SNTG2: variants seen among roughly 807,000 people sequenced by gnomAD.
SNTG2 encodes the protein syntrophin gamma 2.
In SNTG2, 74 loss-of-function variants were observed where a neutral mutation model predicts 70.9. The observed-to-expected ratio is 1.04, with a 90% confidence interval of 0.86 to 1.27. SNTG2 has a LOEUF of 1.27. SNTG2 is among the 50% of genes most tolerant of loss of function. The pLI, the probability that SNTG2 is intolerant of heterozygous loss-of-function variation, is 0.00. For synonymous variants in SNTG2, 278 were observed against 273.8 expected (o/e 1.02, Z -0.15); for missense variants, 717 against 690.7 (o/e 1.04, Z -0.43).
intron 2 of SNTG2, among the ~76,000 whole-genome samples, chr2:1,091,744 A>C (rs1007798511): frequency 6.6e-6 from 1 of 152,188 alleles, no homozygotes; most frequent in African/African-American, 2.4e-5. Flanking sequence ...AAAATTTAGG[A>C]GTTATCATAC....
intron 8 of SNTG2, among the ~76,000 whole-genome samples, chr2:1,178,562 A>G (rs1671638386): frequency 6.6e-6 from 1 of 152,076 alleles, no homozygotes; most frequent in Non-Finnish European, 1.5e-5. Flanking sequence ...TGAGATAATC[A>G]TGTGGTTTTT....
chr2:1,200,468 T>G (rs1673208867), intron 8 of SNTG2, among the ~76,000 whole-genome samples: 1 of 151,982 alleles, frequency 6.6e-6, no homozygotes, highest in African/African-American at 2.4e-5. Context: ...GAAAAGATTT[T>G]ATGACTGAGA....
At chr2:1,271,658 C>T (rs184694379) in intron 14 of SNTG2, among the ~76,000 whole-genome samples, 4 of 152,186 alleles carry the variant, frequency 2.6e-5, no homozygotes, top group African/African-American at 2.4e-5. Flanking sequence ...CGGTGTGGCT[C>T]CCCTCCCAGT....
chr2:1,005,673 A>G (rs1250645682), intron 1 of SNTG2, among the ~76,000 whole-genome samples: 6 of 150,734 alleles, frequency 4.0e-5, no homozygotes, highest in Non-Finnish European at 7.4e-5. Flanking sequence ...GCGTGGTGAC[A>G]TGTGCCTATA....
At chr2:1,012,716 G>A (rs1256222146) in intron 1 of SNTG2, among the ~76,000 whole-genome samples, 1 of 110,160 alleles carries the variant, frequency 9.1e-6, no homozygotes, top group African/African-American at 3.0e-5. Flanking sequence ...AGAGAAGGGT[G>A]GTCTGTAGAG....
chr2:1,118,270 T>C (rs543734968), intron 4 of SNTG2, among the ~76,000 whole-genome samples: 1 of 151,984 alleles, frequency 6.6e-6, no homozygotes, highest in African/African-American at 2.4e-5. Context: ...CTGAGAAAGA[T>C]CCCCTCAGCT....
chr2:1,164,133 G>A (rs1452090552), intron 6 of SNTG2, among the ~76,000 whole-genome samples: 1 of 152,210 alleles, frequency 6.6e-6, no homozygotes, highest in Admixed American at 6.5e-5. Context: ...AGAGGAGAGA[G>A]CAAGGTGGGC....
At chr2:1,208,860 C>T (rs1186974465) in intron 8 of SNTG2, among the ~76,000 whole-genome samples, 1 of 152,222 alleles carries the variant, frequency 6.6e-6, no homozygotes. Context: ...TCTCCTTCTC[C>T]TTCCCTTCAG....
intron 9 of SNTG2, among the ~76,000 whole-genome samples, chr2:1,222,109 C>CTCTCTGTCTCTG (rs1558553591): frequency 2.2e-5 from 1 of 44,530 alleles, no homozygotes; most frequent in Non-Finnish European, 4.6e-5. Context: ...CTCTCTGTCT[C>CTCTCTGTCTCTG]TCTCTGTCTC....
intron 1 of SNTG2, among the ~76,000 whole-genome samples, chr2:993,067 GTTCT>G (rs1160763026): frequency 1.4e-5 from 1 of 73,674 alleles, no homozygotes; most frequent in Non-Finnish European, 2.6e-5. Flanking sequence ...TCTTTTGTGG[GTTCT>G]TTTTTTTTTT....
intron 12 of SNTG2, among the ~76,000 whole-genome samples, chr2:1,257,423 A>C (rs1046734879): frequency 1.3e-5 from 2 of 152,122 alleles, no homozygotes; most frequent in Admixed American, 1.3e-4. Context: ...TGGCAGGAGG[A>C]ATAAACGAGT....
chr2:1,277,064 T>C (rs1306037735), intron 14 of SNTG2, among the ~76,000 whole-genome samples: 1 of 152,160 alleles, frequency 6.6e-6, no homozygotes, highest in African/African-American at 2.4e-5. Context: ...AAGAAAGTGG[T>C]TTCTTGAGAT....
chr2:1,219,548 A>G (rs528470715), intron 9 of SNTG2, among the ~76,000 whole-genome samples: 2 of 152,022 alleles, frequency 1.3e-5, no homozygotes, highest in Admixed American at 6.6e-5. Flanking sequence ...TTTTTATGCA[A>G]CTCTTTACAG....
At chr2:997,495 A>G (rs1006764742) in intron 1 of SNTG2, among the ~76,000 whole-genome samples, 1 of 152,246 alleles carries the variant, frequency 6.6e-6, no homozygotes, top group Non-Finnish European at 1.5e-5. Context: ...ACAGGAAAGT[A>G]GCATGATCTG....
chr2:1,304,714 G>A (rs1235989886), intron 14 of SNTG2, among the ~76,000 whole-genome samples: 2 of 138,756 alleles, frequency 1.4e-5, no homozygotes, highest in African/African-American at 5.5e-5. Flanking sequence ...CAATAAGAGC[G>A]AAACTCTCTC....
At chr2:1,267,674 C>T in intron 14 of SNTG2, 103 bp downstream of exon 14, 1 of 1,071,136 alleles carries the variant, frequency 9.3e-7, no homozygotes, top group Non-Finnish European at 1.4e-6. Flanking sequence ...GAGGAATCTT[C>T]AGAAGGTGAG....
At chr2:1,291,341 AG>A (rs1290253156) in intron 14 of SNTG2, among the ~76,000 whole-genome samples, 3 of 152,112 alleles carry the variant, frequency 2.0e-5, no homozygotes, top group African/African-American at 7.2e-5. Flanking sequence ...GATACACAAA[AG>A]TTTTAATTTT....
intron 14 of SNTG2, among the ~76,000 whole-genome samples, chr2:1,272,570 G>A (rs1572901250): frequency 1.5e-5 from 2 of 132,296 alleles, no homozygotes; most frequent in Non-Finnish European, 3.2e-5. Context: ...GGGAACAGGT[G>A]TAGAAAGGAT....
intron 8 of SNTG2, among the ~76,000 whole-genome samples, chr2:1,190,546 A>T (rs1672529818): frequency 6.9e-6 from 1 of 144,170 alleles, no homozygotes; most frequent in Non-Finnish European, 1.5e-5. Flanking sequence ...TATATGACAT[A>T]TATAAACATA....
Sources: gnomAD v4.1 joint callset for allele counts (sites outside exome capture counted in the v4.1 genomes callset) on GRCh38, gnomAD v4.1.1 for gene constraint, MANE v1.5 for transcripts, NCBI Gene and HGNC (gene_info 2026-07-23, HGNC 2026-07-21) for gene names.